Variants in SLC35F3 observed in about 807,000 individuals in gnomAD.
The protein encoded by SLC35F3 is solute carrier family 35 member F3, also known as putative thiamine transporter SLC35F3.
A neutral mutation model predicts 49.9 loss-of-function variants in SLC35F3; 25 were observed. That is an observed-to-expected ratio of 0.50 (90% CI 0.37 to 0.70). The LOEUF is 0.70. Ranked by LOEUF, SLC35F3 falls within the 30% of genes least tolerant of loss-of-function variation. The probability of loss-of-function intolerance (pLI) is 0.00; values close to 1 mark genes in which losing one functional copy is unlikely to be tolerated. For missense variants in SLC35F3, 525 were observed against 639.8 expected, an observed-to-expected ratio of 0.82 and a Z score of 1.94; for synonymous variants, 275 against 265.4, an observed-to-expected ratio of 1.04 and a Z score of -0.35.
At chr1:234,313,585 G>C (rs1162958962) in intron 4 of SLC35F3, among the ~76,000 whole-genome samples, 2 of 152,154 alleles carry the variant, frequency 1.3e-5, no homozygotes, top group African/African-American at 4.8e-5. Flanking sequence ...TTTCAGGATT[G>C]TTCCGTGGGG....
At position 233,998,824 on chromosome 1, in the gene SLC35F3, G is replaced by A. The variant is rs189600168; in HGVS notation, c.283+93066G>A. Among the ~76,000 whole-genome samples, 1,507 of 152,222 alleles carry A rather than the reference G, an allele frequency of 9.9e-3. 18 individuals carry two copies. The highest frequency in any genetic ancestry group is 0.013 in the Non-Finnish European group (863 of 68,004). ...ATATCTGATGATAGTGGGAAATAGA[G>A]GATTTTACTGATGTGTTCTTACGTG... On this transcript the variant is annotated intron_variant, in intron 2 of 7. Transcript: ENST00000366618.
At chr1:233,914,623 A>G (rs1661938290) in intron 2 of SLC35F3, among the ~76,000 whole-genome samples, 1 of 152,222 alleles carries the variant, frequency 6.6e-6, no homozygotes, top group Admixed American at 6.5e-5. Flanking sequence ...ATACAAAATC[A>G]CTTTCTGACT....
At chr1:234,118,000 C>T (rs902994190) in intron 2 of SLC35F3, among the ~76,000 whole-genome samples, 7 of 148,654 alleles carry the variant, frequency 4.7e-5, no homozygotes, top group Non-Finnish European at 7.4e-5. Context: ...CTGTGAGATA[C>T]ACAGAAAGAG....
intron 2 of SLC35F3, among the ~76,000 whole-genome samples, chr1:234,004,525 G>C (rs962388895): frequency 6.6e-6 from 1 of 152,098 alleles, no homozygotes; most frequent in African/African-American, 2.4e-5. Flanking sequence ...AGTGGGATTG[G>C]AAGTGTGGAA....
intron 3 of SLC35F3, among the ~76,000 whole-genome samples, chr1:234,236,044 C>T (rs1008259563): frequency 1.3e-5 from 2 of 152,038 alleles, no homozygotes; most frequent in Non-Finnish European, 2.9e-5. Context: ...GTCAGATAGC[C>T]AAACAGGGTG....
At chr1:234,118,589 CA>C (rs1342434184) in intron 2 of SLC35F3, among the ~76,000 whole-genome samples, 4 of 152,134 alleles carry the variant, frequency 2.6e-5, no homozygotes, top group Admixed American at 6.6e-5. Context: ...ATATGGCTTA[CA>C]AAGGCTCCAG....
intron 2 of SLC35F3, among the ~76,000 whole-genome samples, chr1:233,965,055 T>G (rs977979612): frequency 6.6e-6 from 1 of 152,162 alleles, no homozygotes; most frequent in Non-Finnish European, 1.5e-5. Context: ...GAGAAAGAAA[T>G]ACAGGATTAG....
rs920109296 is a variant in SLC35F3 at position 233,977,342 on chromosome 1, G to C, written c.283+71584G>C. On this transcript the variant is annotated intron_variant, in intron 2 of 7. Transcript: ENST00000366618. Reference sequence around the variant, plus strand: ...ATGCTTATGGGATTACAAAATTGCAGCTTTGTCTTTTAGAAGAGAAAATTC... The same window carrying C: ...ATGCTTATGGGATTACAAAATTGCACCTTTGTCTTTTAGAAGAGAAAATTC... Among the ~76,000 whole-genome samples the C allele has an allele frequency of 2.6e-5, 4 of 152,330 alleles. No homozygotes were observed. The East Asian group carries it at 7.7e-4, about 29-fold the overall frequency.
intron 2 of SLC35F3, among the ~76,000 whole-genome samples, chr1:234,060,211 A>G (rs936718446): frequency 6.6e-6 from 1 of 152,276 alleles, no homozygotes; most frequent in East Asian, 1.9e-4. Context: ...ATGTTCTCCT[A>G]CTGTTGTGTA....
chr1:234,106,613 C>T (rs1172817256), intron 2 of SLC35F3, among the ~76,000 whole-genome samples: 1 of 152,176 alleles, frequency 6.6e-6, no homozygotes, highest in African/African-American at 2.4e-5. Flanking sequence ...GATAGGGCCC[C>T]ATCTCAGTGA....
At chr1:234,051,546 T>C (rs1456359753) in intron 2 of SLC35F3, among the ~76,000 whole-genome samples, 4 of 152,264 alleles carry the variant, frequency 2.6e-5, no homozygotes, top group Non-Finnish European at 5.9e-5. Context: ...TGGGCTGAGA[T>C]GATGGGGTTT....
At chr1:234,029,235 G>T (rs887901570) in intron 2 of SLC35F3, among the ~76,000 whole-genome samples, 1 of 152,254 alleles carries the variant, frequency 6.6e-6, no homozygotes, top group Admixed American at 6.5e-5. Context: ...ACAGAGAGAC[G>T]ATGTAGACAC....
At chr1:234,317,764 T>C (rs1290862471) in intron 5 of SLC35F3, among the ~76,000 whole-genome samples, 2 of 152,204 alleles carry the variant, frequency 1.3e-5, no homozygotes, top group African/African-American at 4.8e-5. Context: ...TCTGAGACTC[T>C]AGCAACTGTC....
chr1:234,087,853 C>T (rs780575881), intron 2 of SLC35F3, among the ~76,000 whole-genome samples: 18 of 152,176 alleles, frequency 1.2e-4, no homozygotes, highest in Non-Finnish European at 2.4e-4. Context: ...TTATCCCTGC[C>T]TCAAAACTTT....
intron 2 of SLC35F3, among the ~76,000 whole-genome samples, chr1:234,097,444 C>G (rs1315184315): frequency 1.3e-5 from 2 of 152,202 alleles, no homozygotes; most frequent in African/African-American, 2.4e-5. Flanking sequence ...TTGGGTGTCA[C>G]TGTGTCCCAT....
chr1:233,905,472 C>G, intron 1 of SLC35F3, 57 bp from the exon 2 acceptor site: 1 of 1,302,568 alleles, frequency 7.7e-7, no homozygotes, highest in Non-Finnish European at 1.1e-6. Flanking sequence ...CGAATCCCCT[C>G]CTCTCTGTCC....
At chr1:234,020,425 T>C (rs1326386601) in intron 2 of SLC35F3, among the ~76,000 whole-genome samples, 1 of 152,220 alleles carries the variant, frequency 6.6e-6, no homozygotes, top group Non-Finnish European at 1.5e-5. Flanking sequence ...AAAGTCCTTG[T>C]TCTTCCTGAC....
chr1:234,176,908 A>G (rs186368715), intron 2 of SLC35F3, among the ~76,000 whole-genome samples: 19 of 152,336 alleles, frequency 1.2e-4, no homozygotes, highest in Admixed American at 2.0e-4. Context: ...AAACAGCACC[A>G]GAACTGAAAT....
chr1:234,020,829 G>A (rs1420980951), intron 2 of SLC35F3, among the ~76,000 whole-genome samples: 2 of 152,132 alleles, frequency 1.3e-5, no homozygotes, highest in African/African-American at 4.8e-5. Context: ...TTTCTCCAGT[G>A]TTCCTAGGCT....
Sources: allele counts gnomAD v4.1 joint callset (sites outside exome capture counted in the v4.1 genomes callset), GRCh38; gene constraint gnomAD v4.1.1; transcripts MANE v1.5; gene names NCBI Gene and HGNC (gene_info 2026-07-23, HGNC 2026-07-21).